The following SLC4A8 variants were observed in gnomAD, a reference collection of about 807,000 sequenced individuals.
The protein encoded by SLC4A8 is solute carrier family 4 member 8, also known as electroneutral sodium bicarbonate exchanger 1.
In SLC4A8, 40 loss-of-function variants were observed where a neutral mutation model predicts 125.0. The ratio of observed to expected loss-of-function variants is 0.32; its 90% CI spans 0.25 to 0.42. The LOEUF is 0.42. Among genes scored for constraint, SLC4A8 ranks in the 10% least tolerant of loss-of-function variants. The pLI is 1.00. For synonymous variants in SLC4A8, 456 were observed against 476.0 expected (o/e 0.96, Z 0.55); for missense variants, 863 against 1,355.1 (o/e 0.64, Z 5.70).
intron 2 of SLC4A8, among the ~76,000 whole-genome samples, chr12:51,443,889 A>G (rs1949682529): frequency 6.6e-6 from 1 of 152,176 alleles, no homozygotes; most frequent in South Asian, 2.1e-4. Flanking sequence ...GGGTACGTCA[A>G]ACCTATGGTT....
At chr12:51,501,480 C>T (rs1017252700) in intron 22 of SLC4A8, among the ~76,000 whole-genome samples, 7 of 152,174 alleles carry the variant, frequency 4.6e-5, no homozygotes, top group African/African-American at 1.7e-4. Context: ...CTGCAAAGGA[C>T]ATAGTTTTGT....
At chr12:51,453,428 A>G (rs1565787165) in intron 4 of SLC4A8, 111 bp from the exon 5 acceptor site, 5 of 1,095,840 alleles carry the variant, frequency 4.6e-6, no homozygotes, top group Non-Finnish European at 6.6e-6. Flanking sequence ...AGATTTTACA[A>G]TGTTCAGTAT....
intron 2 of SLC4A8, 40 bp downstream of exon 2, chr12:51,440,829 G>C: frequency 1.3e-6 from 2 of 1,527,488 alleles, no homozygotes; most frequent in Middle Eastern, 1.7e-4. Context: ...AAATTGGTGA[G>C]GGGCAGCCTG....
chr12:51,503,761 G>A (rs951641412), intron 22 of SLC4A8, among the ~76,000 whole-genome samples: 4 of 152,064 alleles, frequency 2.6e-5, no homozygotes, highest in African/African-American at 9.7e-5. Context: ...ATGTTCTTCT[G>A]TCTGCTATAT....
At position 51,458,115 on chromosome 12, in the gene SLC4A8, A is replaced by G. The variant is rs368316472; in HGVS notation, c.764-444A>G. 2.0e-5 allele frequency among the ~76,000 whole-genome samples: 3 copies of G among 152,252 alleles called. No homozygotes were observed. In the East Asian group the frequency reaches 5.8e-4, roughly 29 times the overall value. ...CCCTTAGCCAGATGCATGGTGGATT[A>G]TAATCACTCAGAATTTTGGCTACTG... On this transcript the variant is annotated intron_variant, in intron 6 of 24. Transcript: ENST00000453097.
intron 4 of SLC4A8, 80 bp downstream of exon 4, chr12:51,452,339 G>A: frequency 2.0e-6 from 3 of 1,493,802 alleles, no homozygotes; most frequent in Non-Finnish European, 1.9e-6. Context: ...AGGCCTGCCT[G>A]CCTTATTTCT....
At chr12:51,465,827 C>A (rs906047804) in intron 11 of SLC4A8, among the ~76,000 whole-genome samples, 5 of 152,226 alleles carry the variant, frequency 3.3e-5, no homozygotes, top group African/African-American at 1.2e-4. Flanking sequence ...GCCTCTTTCT[C>A]AGTCTCAAAT....
intron 16 of SLC4A8, among the ~76,000 whole-genome samples, chr12:51,483,082 C>CTTTG (rs1274134813): frequency 6.6e-6 from 1 of 152,110 alleles, no homozygotes; most frequent in African/African-American, 2.4e-5. Flanking sequence ...TTGAGTCTGT[C>CTTTG]CAAAGCTGGG....
intron 1 of SLC4A8, among the ~76,000 whole-genome samples, chr12:51,392,576 AAAAAAAAAAAG>A (rs1390782499): frequency 6.6e-6 from 1 of 150,926 alleles, no homozygotes; most frequent in East Asian, 1.9e-4. Context: ...CGTATCAAAA[AAAAAAAAAAAG>A]AAAAAAAGAA....
At chr12:51,498,120 G>A (rs1356829939) in intron 22 of SLC4A8, among the ~76,000 whole-genome samples, 1 of 151,168 alleles carries the variant, frequency 6.6e-6, no homozygotes, top group Non-Finnish European at 1.5e-5. Context: ...TTCTAAATAA[G>A]CTTCAACAAT....
intron 1 of SLC4A8, among the ~76,000 whole-genome samples, chr12:51,409,805 A>G (rs1948561309): frequency 6.6e-6 from 1 of 152,236 alleles, no homozygotes; most frequent in African/African-American, 2.4e-5. Flanking sequence ...CCAAATACTC[A>G]TGAGGCGAGG....
At position 51,509,153 on chromosome 12, in the gene SLC4A8, T is replaced by C. The variant is rs1415351253; in HGVS notation, c.*1715T>C. On this transcript the variant is annotated 3_prime_UTR_variant, in exon 25 of 25. Coordinates refer to ENST00000453097, the MANE Select transcript of SLC4A8 (RefSeq NM_001039960.3). ...TGTACCAATGCCTATTGGCTGAACA[T>C]TATGCTACTTTCAGATATTAAAATG... 1.3e-5 allele frequency: 2 copies of C among 152,650 alleles called. No individual in the cohort carries two copies. The highest frequency in any genetic ancestry group is 2.9e-5 in the Non-Finnish European group (2 of 68,044). The allele number at this position is 152,650 out of a possible 1,614,324, so 9.5% of individuals were successfully genotyped here.
chr12:51,398,544 G>T (rs1186476055), intron 1 of SLC4A8, among the ~76,000 whole-genome samples: 1 of 152,124 alleles, frequency 6.6e-6, no homozygotes, highest in Non-Finnish European at 1.5e-5. Flanking sequence ...TCAAAATTAT[G>T]ATTTCTTATT....
At chr12:51,432,549 C>A (rs1014251601) in intron 1 of SLC4A8, among the ~76,000 whole-genome samples, 6 of 151,984 alleles carry the variant, frequency 3.9e-5, no homozygotes, top group African/African-American at 1.5e-4. Context: ...ATGGCGAAAC[C>A]CAGTCTCTAC....
chr12:51,426,276 G>A (rs1411444428), intron 1 of SLC4A8, among the ~76,000 whole-genome samples: 1 of 152,104 alleles, frequency 6.6e-6, no homozygotes, highest in Non-Finnish European at 1.5e-5. Flanking sequence ...CAATATCTAA[G>A]ATTTTGGAAA....
chr12:51,470,125 C>T (rs749488258), intron 12 of SLC4A8, among the ~76,000 whole-genome samples: 80 of 152,150 alleles, frequency 5.3e-4, no homozygotes, highest in Non-Finnish European at 7.9e-4. Flanking sequence ...ACTGTGCTTT[C>T]TGTATATTTT....
intron 1 of SLC4A8, among the ~76,000 whole-genome samples, chr12:51,399,133 G>A (rs1237107340): frequency 6.6e-6 from 1 of 152,218 alleles, no homozygotes; most frequent in African/African-American, 2.4e-5. Context: ...ACTTTGGATT[G>A]TAAGTAAAGG....
At chr12:51,403,878 T>C (rs985731500) in intron 1 of SLC4A8, among the ~76,000 whole-genome samples, 1 of 152,270 alleles carries the variant, frequency 6.6e-6, no homozygotes, top group Non-Finnish European at 1.5e-5. Context: ...GCATCCTTTC[T>C]GTTGGGCAGA....
intron 1 of SLC4A8, among the ~76,000 whole-genome samples, chr12:51,397,196 G>A (rs1444702659): frequency 6.6e-6 from 1 of 152,052 alleles, no homozygotes; most frequent in Non-Finnish European, 1.5e-5. Context: ...CCAAAGTGCT[G>A]GGATTACAGG....
Sources: gnomAD v4.1 joint callset for allele counts (sites outside exome capture counted in the v4.1 genomes callset) on GRCh38, gnomAD v4.1.1 for gene constraint, MANE v1.5 for transcripts, NCBI Gene and HGNC (gene_info 2026-07-23, HGNC 2026-07-21) for gene names.